ETNK2: variants seen among roughly 807,000 people sequenced by gnomAD.
ETNK2 encodes the protein ethanolamine kinase 2, also known as ethanolamine kinase-like protein.
In ETNK2, 33 loss-of-function variants were observed where a neutral mutation model predicts 46.2. That is an observed-to-expected ratio of 0.71 (90% CI 0.54 to 0.96). The LOEUF is 0.96. Ranked by LOEUF, ETNK2 falls within the 40% of genes least tolerant of loss-of-function variation. ETNK2 has a pLI of 0.00. For missense variants in ETNK2, 445 were observed against 509.7 expected, an observed-to-expected ratio of 0.87 and a Z score of 1.22; for synonymous variants, 194 against 209.0, an observed-to-expected ratio of 0.93 and a Z score of 0.62.
chr1:204,143,189 T>C (rs2102294657), intron 3 of ETNK2, among the ~76,000 whole-genome samples: 1 of 151,786 alleles, frequency 6.6e-6, no homozygotes, highest in Admixed American at 6.6e-5. Context: ...TGTGTTTCAG[T>C]CCTGGCTCTC....
chr1:204,148,257 G>C (rs905936133), intron 2 of ETNK2, among the ~76,000 whole-genome samples: 29 of 152,078 alleles, frequency 1.9e-4, no homozygotes, highest in African/African-American at 5.3e-4. Flanking sequence ...CAGATGTCAC[G>C]TTCTTCTTCT....
intron 7 of ETNK2, among the ~76,000 whole-genome samples, chr1:204,132,950 CT>C (rs928420230): frequency 2.0e-5 from 3 of 152,154 alleles, no homozygotes; most frequent in African/African-American, 7.2e-5. Flanking sequence ...TCCCCACCCC[CT>C]GGCAACAATT....
chr1:204,134,641 G>A (rs538887924), intron 6 of ETNK2, 53 bp from the exon 7 acceptor site: 29 of 1,614,000 alleles, frequency 1.8e-5, no homozygotes, highest in East Asian at 1.1e-4. Context: ...GCCTGTTTCC[G>A]ACTCTACAGC....
chr1:204,133,934 G>A (rs1203907567), intron 7 of ETNK2, among the ~76,000 whole-genome samples: 1 of 152,230 alleles, frequency 6.6e-6, no homozygotes, highest in Non-Finnish European at 1.5e-5. Flanking sequence ...GAAGGGCAAG[G>A]CCCTGGACCA....
rs1311514890 is a variant in ETNK2 at position 204,134,583 on chromosome 1, AG to A, written c.1019del (p.Ser340PhefsTer27). ...YVQVNKFALA[S>X]HFFWALWALI... The stretch of plus-strand genomic sequence containing the variant: ...GGGCCCAGAGAGCCCAGAAGAAGTG[AG>A]ACGCCTGGAAACAGACCAGAGAGGG... On this transcript the variant is annotated frameshift_variant, in exon 7 of 8. Coordinates refer to ENST00000367202, the MANE Select transcript of ETNK2 (RefSeq NM_018208.4). LOFTEE classifies it high-confidence loss of function. The A allele has an allele frequency of 6.2e-7, 1 of 1,613,934 alleles. No individual in the cohort carries two copies. The highest frequency in any genetic ancestry group is 8.5e-7 in the Non-Finnish European group (1 of 1,179,912).
In ETNK2 at chr1:204,137,128, G is replaced by A. The variant is rs146679279; in HGVS notation, c.990C>T (p.Tyr330=). Reference sequence around the variant, plus strand: ...CCAGGGCAAACTTGTTGACTTGCACGTAGAGCCTTTGCACCTCCCTGGGGG... The same window carrying A: ...CCAGGGCAAACTTGTTGACTTGCACATAGAGCCTTTGCACCTCCCTGGGGG... ...AVTPREVQRL[Y]VQVNKFALAS... is the part of the protein sequence containing the mutation. The change falls in exon 6 of 8, where the codon TAC becomes TAT. Residue 330 remains tyrosine, a synonymous_variant. Coordinates refer to ENST00000367202, the MANE Select transcript of ETNK2 (RefSeq NM_018208.4). 22 of 1,613,720 alleles carry A rather than the reference G, an allele frequency of 1.4e-5. No homozygotes were observed. The highest frequency in any genetic ancestry group is 3.3e-5 in the South Asian group (3 of 91,070).
chr1:204,151,988 G>C lies in ETNK2; in HGVS notation c.-136C>G, dbSNP rs1190979956. On this transcript the variant is annotated 5_prime_UTR_variant, in exon 1 of 8. Coordinates refer to ENST00000367202, the MANE Select transcript of ETNK2 (RefSeq NM_018208.4). This position sits in a 1 kb window ranked among gnomAD's most constrained non-coding sequence, Gnocchi z 8.0. ...GCGCGAGCTGCCCGCTTCGATCGCC[G>C]GCTCGCGGCCCGCCGCCCACCGCCG... 37 of 959,810 alleles carry C rather than the reference G, an allele frequency of 3.9e-5. No homozygotes were observed. Among genetic ancestry groups the C allele is most frequent in the Non-Finnish European group, 4.8e-5 (35 of 736,474 alleles). 59.5% of individuals were successfully genotyped at this position (959,810 alleles called of 1,614,324 possible).
At chr1:204,147,757 CAG>C (rs895566947) in intron 2 of ETNK2, among the ~76,000 whole-genome samples, 3 of 152,212 alleles carry the variant, frequency 2.0e-5, no homozygotes, top group Admixed American at 6.5e-5. Context: ...ACTGGGATAA[CAG>C]AGCAGTTTTG....
At chr1:204,148,667 G>T (rs1657888471) in intron 2 of ETNK2, among the ~76,000 whole-genome samples, 2 of 152,098 alleles carry the variant, frequency 1.3e-5, no homozygotes, top group Admixed American at 6.5e-5. Context: ...GAGCATGGGG[G>T]TGGAAGAGCT....
intron 4 of ETNK2, 98 bp downstream of exon 4, chr1:204,141,217 T>G: frequency 1.4e-6 from 2 of 1,473,480 alleles, no homozygotes; most frequent in Non-Finnish European, 1.9e-6. Flanking sequence ...AGGTCTAACT[T>G]TTGCTTGTCC....
rs56241054 is a variant in ETNK2, at chr1:204,141,238, C to T, written c.784+77G>A. ...AACTTTTGCTTGTCCAAGTGCCAGC[C>T]GGAAGAACAGCTCCGTGAAGCCAGC... On this transcript the variant is annotated intron_variant, in intron 4 of 7. Transcript: ENST00000367202. The T allele has an allele frequency of 4.6e-3, 7,242 of 1,586,404 alleles. 22 individuals are homozygous for T. The highest frequency in any genetic ancestry group is 5.0e-3 in the Non-Finnish European group (5,755 of 1,155,374).
chr1:204,133,567 T>C (rs1657159773), intron 7 of ETNK2, among the ~76,000 whole-genome samples: 1 of 151,546 alleles, frequency 6.6e-6, no homozygotes, highest in South Asian at 2.1e-4. Flanking sequence ...AGTCTCGCTC[T>C]GTCGCCCAGG....
At chr1:204,137,340 A>T (rs1470629044) in intron 5 of ETNK2, 91 bp from the exon 6 acceptor site, 2 of 1,443,892 alleles carry the variant, frequency 1.4e-6, no homozygotes, top group Non-Finnish European at 1.9e-6. Flanking sequence ...CTCCCCTCAA[A>T]CTCCCATCTC....
chr1:204,146,714 C>T lies in ETNK2; in HGVS notation c.569G>A (p.Ser190Asn). The T allele has an allele frequency of 6.2e-7, 1 of 1,614,026 alleles. No individual in the cohort carries two copies. The highest frequency in any genetic ancestry group is 8.5e-7 in the Non-Finnish European group (1 of 1,179,896). The change falls in exon 3 of 8, where the codon AGC (serine) becomes AAC (asparagine). Residue 190 changes from serine to asparagine, a missense_variant. Physicochemically the swap from Ser to Asn is conservative, Grantham distance 46. Coordinates refer to ENST00000367202, the MANE Select transcript of ETNK2 (RefSeq NM_018208.4). The stretch of plus-strand genomic sequence containing the variant: ...GTGCCAGAGGATGGGCTTGGGCAGG[C>T]TGCCGTTGGCGTGGATAGTATGAAT... ...AKIHTIHANG[S>N]LPKPILWHKM...
intron 4 of ETNK2, among the ~76,000 whole-genome samples, chr1:204,140,826 CT>C (rs5780215): frequency 3.7e-4 from 51 of 137,086 alleles, no homozygotes; most frequent in Non-Finnish European, 4.2e-4. Context: ...CCTGGCCAGA[CT>C]TTTTTTTTTT....
chr1:204,138,533 A>AGCT (rs1357304145), intron 5 of ETNK2: 1 of 152,370 alleles, frequency 6.6e-6, no homozygotes, highest in Non-Finnish European at 1.5e-5. Context: ...CCCGAGGCTC[A>AGCT]GCTGCTCTGC....
Position 204,140,109 on chromosome 1 carries a change from C to T in ETNK2, c.794G>A (p.Arg265Gln), listed in dbSNP as rs554543246. The T allele has an allele frequency of 1.1e-5, 17 of 1,613,540 alleles. No homozygotes were observed. Among genetic ancestry groups the T allele is most frequent in the South Asian group, 3.3e-5 (3 of 91,048 alleles). ...GCCAGCATATTCATAGTCAATGAAC[C>T]GCACGTGACCTATGAAGTAGAGGAG... is the stretch of plus-strand genomic sequence containing the variant. ...IIYDSIKGHV[R>Q]FIDYEYAGYN... The change falls in exon 5 of 8, where the codon CGG (arginine) becomes CAG (glutamine). Residue 265 changes from arginine to glutamine, a missense_variant. Transcript: ENST00000367202.
intron 2 of ETNK2, among the ~76,000 whole-genome samples, chr1:204,147,194 C>CAAGA (rs1403890864): frequency 6.6e-6 from 1 of 152,190 alleles, no homozygotes; most frequent in Non-Finnish European, 1.5e-5. Flanking sequence ...CACTTTGCAC[C>CAAGA]AAGAGATCAG....
chr1:204,144,787 G>A (rs1657713658), intron 3 of ETNK2, among the ~76,000 whole-genome samples: 2 of 152,046 alleles, frequency 1.3e-5, no homozygotes, highest in African/African-American at 4.8e-5. Context: ...TCACTCAGGA[G>A]CAAACCCTGC....
Sources: allele counts gnomAD v4.1 joint callset (sites outside exome capture counted in the v4.1 genomes callset), GRCh38; gene constraint gnomAD v4.1.1; non-coding constraint Gnocchi (gnomAD v3.1); transcripts MANE v1.5; gene names NCBI Gene and HGNC (gene_info 2026-07-23, HGNC 2026-07-21).